Variants in ELK1 observed in about 807,000 individuals in gnomAD.
The protein encoded by ELK1 is ETS transcription factor ELK1, also known as ETS domain-containing protein Elk-1.
For synonymous variants in ELK1, 163 were observed against 176.3 expected (o/e 0.92, Z 0.60); for missense variants, 254 against 381.5 (o/e 0.67, Z 2.78).
At chrX:47,648,930 C>G (rs1271746723) in intron 2 of ELK1, 1 of 110,780 alleles carries the variant, frequency 9.0e-6, no homozygotes, top group Non-Finnish European at 1.9e-5. Context: ...GCAGAGGGAA[C>G]AGCAAGAACA....
chrX:47,637,632 G>T, intron 5 of ELK1, 119 bp downstream of exon 5: 1 of 912,126 alleles, frequency 1.1e-6, no homozygotes, highest in Non-Finnish European at 1.5e-6. Context: ...ACACTCAAAG[G>T]CTCCACCCTC....
At position 47,650,359 on chromosome X, in the gene ELK1, C is replaced by T. The variant is rs148448157; in HGVS notation, c.-141+64G>A. On this transcript the variant is annotated intron_variant, in intron 1 of 6. Transcript: ENST00000376983. Reference sequence around the variant, plus strand: ...CACCGGCCAAGCCACATCCTCTGCGCGGGGGCGGGAAGGATACGTGGGGTC... The same window carrying T: ...CACCGGCCAAGCCACATCCTCTGCGTGGGGGCGGGAAGGATACGTGGGGTC... The T allele has an allele frequency of 8.6e-4, 227 of 263,520 alleles. 1 individual carries two copies. Among genetic ancestry groups the T allele is most frequent in the Non-Finnish European group, 1.5e-3 (208 of 138,987 alleles). 21.7% of individuals were successfully genotyped at this position (263,520 alleles called of 1,213,427 possible).
In ELK1 at chrX:47,636,074, G is replaced by A. The variant is rs2058006814; in HGVS notation, c.*755C>T. ...TGGCTGGAGGGGCCCCCCAGACGGG[G>A]ACCACCCCCCAAAAAAACCCTCCAT... On this transcript the variant is annotated 3_prime_UTR_variant, in exon 7 of 7. Transcript: ENST00000376983. The A allele has an allele frequency of 9.0e-6, 1 of 111,627 alleles. No individual in the cohort carries two copies. Among genetic ancestry groups the A allele is most frequent in the Non-Finnish European group, 1.9e-5 (1 of 53,005 alleles). The allele number at this position is 111,627 out of a possible 1,213,427, so 9.2% of individuals were successfully genotyped here.
At chrX:47,645,939 G>C (rs1399765201) in intron 2 of ELK1, among the ~76,000 whole-genome samples, 2 of 111,243 alleles carry the variant, frequency 1.8e-5, no homozygotes, top group African/African-American at 6.6e-5. Context: ...CTGGCTCAAG[G>C]TTACCCTGAG....
At chrX:47,642,505 G>T (rs1448825915) in intron 2 of ELK1, among the ~76,000 whole-genome samples, 2 of 110,205 alleles carry the variant, frequency 1.8e-5, no homozygotes, top group African/African-American at 6.6e-5. Flanking sequence ...CCAGCCCAAA[G>T]GTCCTTTCCT....
chrX:47,637,227 TCCC>T, intron 5 of ELK1, 113 bp from the exon 6 acceptor site: 1 of 734,221 alleles, frequency 1.4e-6, no homozygotes, highest in Non-Finnish European at 2.1e-6. Context: ...CCAGGGTCAC[TCCC>T]CAAAGTGCAC....
In ELK1 at chrX:47,639,032, G is replaced by A. The variant is rs746000987; in HGVS notation, c.517C>T (p.Pro173Ser). The A allele has an allele frequency of 1.4e-4, 164 of 1,202,892 alleles. No homozygotes were observed. Among genetic ancestry groups the A allele is most frequent in the Non-Finnish European group, 6.7e-5 (60 of 891,734 alleles). The change falls in exon 4 of 7, where the codon CCT (proline) becomes TCT (serine). Residue 173 changes from proline to serine, a missense_variant. Coordinates refer to ENST00000376983, the MANE Select transcript of ELK1 (RefSeq NM_001114123.3). ...AGCACCACAGCAGGCCGAGGATGAG[G>A]GGGTGGCTGCGGCTGCAGAGACTGG... ...TIQSLQPQPPPHPRPAVVLPS... is the reference protein window; with the variant it reads ...TIQSLQPQPPSHPRPAVVLPS...
intron 2 of ELK1, among the ~76,000 whole-genome samples, chrX:47,645,516 A>G (rs999642845): frequency 1.2e-4 from 13 of 112,227 alleles, no homozygotes; most frequent in African/African-American, 1.6e-4. Context: ...AGAGAAGGGT[A>G]AGATCCTAGA....
intron 2 of ELK1, chrX:47,649,105 A>G (rs1603095022): frequency 9.0e-6 from 1 of 111,532 alleles, no homozygotes; most frequent in East Asian, 2.8e-4. Flanking sequence ...TTCCCTCACT[A>G]CCTATCTCAT....
At chrX:47,645,400 C>T (rs745459505) in intron 2 of ELK1, among the ~76,000 whole-genome samples, 2 of 111,970 alleles carry the variant, frequency 1.8e-5, no homozygotes, top group East Asian at 5.6e-4. Context: ...AAGTAACCTG[C>T]CCCAAGTCAC....
rs775183854 is a variant in ELK1 at position 47,639,362 on chromosome X, AG to A, written c.211-25del. ...TTCTAGGAAGGGAGGAGAGGAACAG[AG>A]GGCCTTAGAGGAAAGGGGCAGGCTG... On this transcript the variant is annotated intron_variant, in intron 3 of 6. Transcript: ENST00000376983. 25 of 1,094,503 alleles carry A rather than the reference AG, an allele frequency of 2.3e-5. No individual in the cohort carries two copies. In the African/African-American group the frequency reaches 3.6e-4, roughly 16 times the overall value. 90.2% of individuals were successfully genotyped at this position (1,094,503 alleles called of 1,213,427 possible). A position where few individuals can be genotyped will look rare whatever the true frequency, so the allele number is the denominator to read the frequency against.
At position 47,639,182 on chromosome X, in the gene ELK1, G is replaced by T; in HGVS notation, c.367C>A (p.Pro123Thr). The T allele has an allele frequency of 3.3e-6, 4 of 1,209,496 alleles. No individual in the cohort carries two copies. The highest frequency in any genetic ancestry group is 4.5e-6 in the Non-Finnish European group (4 of 894,267). The change falls in exon 4 of 7, where the codon CCA becomes ACA. Residue 123 changes from proline to threonine, a missense_variant. Physicochemically the swap from Pro to Thr is conservative, Grantham distance 38 (BLOSUM62 -1). Coordinates refer to ENST00000376983, the MANE Select transcript of ELK1 (RefSeq NM_001114123.3). Reference sequence around the variant, plus strand: ...GGCTTTCCAGAGACAGTGTCCCCTGGGGCGGCATGTATAGCAGCAGGGGCC... The same window carrying T: ...GGCTTTCCAGAGACAGTGTCCCCTGTGGCGGCATGTATAGCAGCAGGGGCC... ...NVAPAAIHAAPGDTVSGKPGT... is the reference protein window; with the variant it reads ...NVAPAAIHAATGDTVSGKPGT...
chrX:47,639,906 G>A (rs2058023022), intron 3 of ELK1, among the ~76,000 whole-genome samples: 1 of 112,859 alleles, frequency 8.9e-6, no homozygotes, highest in Non-Finnish European at 1.9e-5. Context: ...AATTAATGTA[G>A]ATGGATGGGG....
Position 47,645,650 on chromosome X carries a change from C to T in ELK1, c.-34-4175G>A, listed in dbSNP as rs771951474. Among the ~76,000 whole-genome samples the T allele has an allele frequency of 5.7e-4, 64 of 112,153 alleles. 1 individual carries two copies. The highest frequency in any genetic ancestry group is 4.6e-3 in the Middle Eastern group (1 of 219). ...CCCTCTGTGGGGGAGGGCCTTCAGG[C>T]GGAGCGAACGGCGTGTACAAAGGCT... On this transcript the variant is annotated intron_variant, in intron 2 of 6. Coordinates refer to ENST00000376983, the MANE Select transcript of ELK1 (RefSeq NM_001114123.3).
At chrX:47,643,249 A>T (rs1039593187) in intron 2 of ELK1, among the ~76,000 whole-genome samples, 5 of 111,858 alleles carry the variant, frequency 4.5e-5, no homozygotes, top group African/African-American at 1.6e-4. Context: ...TTTGTACCTC[A>T]ATTTTCTCAT....
chrX:47,641,014 A>G lies in ELK1; in HGVS notation c.210+218T>C, dbSNP rs150107616. ...AGTGGGAGTAGAAAGAGTCAGTATTAATAATGCAGTGGTGGTTTTCGCCAA... is the reference window on the plus strand; with the variant it reads ...AGTGGGAGTAGAAAGAGTCAGTATTGATAATGCAGTGGTGGTTTTCGCCAA... On this transcript the variant is annotated intron_variant, in intron 3 of 6. Coordinates refer to ENST00000376983, the MANE Select transcript of ELK1 (RefSeq NM_001114123.3). Among the ~76,000 whole-genome samples, 376 of 111,546 alleles carry G rather than the reference A, an allele frequency of 3.4e-3. 1 individual carries two copies. Among genetic ancestry groups the G allele is most frequent in the Non-Finnish European group, 5.9e-3 (313 of 53,088 alleles).
At chrX:47,642,764 AATTTTTGT>A (rs1461848113) in intron 2 of ELK1, among the ~76,000 whole-genome samples, 1 of 110,158 alleles carries the variant, frequency 9.1e-6, no homozygotes, top group Non-Finnish European at 1.9e-5. Context: ...ACGCCCGGCT[AATTTTTGT>A]ATTTTTAGTA....
At chrX:47,637,571 C>CCCT (rs1310676263) in intron 5 of ELK1, among the ~76,000 whole-genome samples, 180 bp downstream of exon 5, 6 of 111,281 alleles carry the variant, frequency 5.4e-5, no homozygotes, top group Non-Finnish European at 1.9e-5. Context: ...CCCAGCCCTG[C>CCCT]CCTTCACTAA....
At chrX:47,649,807 C>G (rs1396520855) in intron 2 of ELK1, 114 bp downstream of exon 2, 2 of 85,508 alleles carry the variant, frequency 2.3e-5, no homozygotes, top group Non-Finnish European at 4.4e-5. Flanking sequence ...GAAGACTGAT[C>G]CACTATAAAA....
Sources: gnomAD v4.1 joint callset for allele counts (sites outside exome capture counted in the v4.1 genomes callset) on GRCh38, gnomAD v4.1.1 for gene constraint, MANE v1.5 for transcripts, NCBI Gene and HGNC (gene_info 2026-07-23, HGNC 2026-07-21) for gene names.